The following TMPRSS11E variants were observed in gnomAD, a reference collection of about 807,000 sequenced individuals.
TMPRSS11E encodes the protein transmembrane protease serine 11E.
In TMPRSS11E, 38 loss-of-function variants were observed where a neutral mutation model predicts 48.1. That is an observed-to-expected ratio of 0.79 (90% CI 0.61 to 1.04). TMPRSS11E has a LOEUF of 1.04. Among genes scored for constraint, TMPRSS11E ranks in the 50% least tolerant of loss-of-function variants. The pLI is 0.00. For missense variants in TMPRSS11E, 530 were observed against 510.8 expected, an observed-to-expected ratio of 1.04 and a Z score of -0.36; for synonymous variants, 158 against 171.9, an observed-to-expected ratio of 0.92 and a Z score of 0.63.
intron 9 of TMPRSS11E, among the ~76,000 whole-genome samples, chr4:68,489,997 C>T (rs938305222): frequency 2.0e-5 from 3 of 152,194 alleles, no homozygotes; most frequent in Non-Finnish European, 2.9e-5. Flanking sequence ...AGGCTGTTCT[C>T]CCTGCCACCT....
intron 1 of TMPRSS11E, among the ~76,000 whole-genome samples, chr4:68,455,044 A>G (rs932892213): frequency 5.9e-5 from 9 of 152,034 alleles, no homozygotes; most frequent in East Asian, 1.9e-4. Flanking sequence ...CCTTCTATCT[A>G]TACATTTGTA....
chr4:68,459,822 A>AT (rs994845208), intron 1 of TMPRSS11E, among the ~76,000 whole-genome samples: 1 of 152,150 alleles, frequency 6.6e-6, no homozygotes, highest in African/African-American at 2.4e-5. Context: ...CTCTCCCTGT[A>AT]TTCCCCCCAA....
Position 68,461,840 on chromosome 4 carries a change from A to T in TMPRSS11E, c.31A>T (p.Arg11Trp). The change falls in exon 2 of 10, where the codon AGG (arginine) becomes TGG (tryptophan). Residue 11 changes from arginine to tryptophan, a missense_variant. Transcript: ENST00000305363. Reference protein sequence around the residue: MMYRPDVVRARKRVCWEPWVI... With the variant: MMYRPDVVRAWKRVCWEPWVI... Reference sequence around the variant, plus strand: ...CCTTAGGCCAGATGTGGTGAGGGCTAGGAAAAGAGTTTGTTGGGAACCCTG... The same window carrying T: ...CCTTAGGCCAGATGTGGTGAGGGCTTGGAAAAGAGTTTGTTGGGAACCCTG... 6.2e-7 allele frequency: 1 copy of T among 1,614,192 alleles called. No individual in the cohort carries two copies. The highest frequency in any genetic ancestry group is 8.5e-7 in the Non-Finnish European group (1 of 1,180,002).
At position 68,482,455 on chromosome 4, in the gene TMPRSS11E, C is replaced by A. The variant is rs191804608; in HGVS notation, c.1110+3464C>A. Reference sequence around the variant, plus strand: ...AAGTCTTAACTCATTCCGACTTTAACTCAAAAATTCAAAGTTGGCCAGATG... The same window carrying A: ...AAGTCTTAACTCATTCCGACTTTAAATCAAAAATTCAAAGTTGGCCAGATG... On this transcript the variant is annotated intron_variant, in intron 9 of 9. Transcript: ENST00000305363. 9.2e-5 allele frequency among the ~76,000 whole-genome samples: 14 copies of A among 152,086 alleles called. No individual in the cohort carries two copies. In the East Asian group the frequency reaches 2.7e-3, roughly 29 times the overall value.
At chr4:68,496,027 G>C (rs1729855068) in intron 9 of TMPRSS11E, among the ~76,000 whole-genome samples, 1 of 152,072 alleles carries the variant, frequency 6.6e-6, no homozygotes, top group Admixed American at 6.6e-5. Context: ...ATGAGAATTT[G>C]TGATTTTATA....
intron 9 of TMPRSS11E, among the ~76,000 whole-genome samples, chr4:68,484,183 G>C (rs1729489793): frequency 6.6e-6 from 1 of 152,114 alleles, no homozygotes; most frequent in African/African-American, 2.4e-5. Context: ...AATGACATTG[G>C]TAGTTTTATA....
rs1014830549 is a variant in TMPRSS11E, at chr4:68,474,590, C to T, written c.491-133C>T. On this transcript the variant is annotated intron_variant, in intron 5 of 9. Transcript: ENST00000305363. ...ATGATCATCCTATGTCTATGACAAGCTATGTTGCCTTCTTTATAATCTAGA... is the reference window on the plus strand; with the variant it reads ...ATGATCATCCTATGTCTATGACAAGTTATGTTGCCTTCTTTATAATCTAGA... The T allele has an allele frequency of 3.7e-6, 3 of 808,386 alleles. No homozygotes were observed. The Admixed American group carries it at 7.2e-5, about 19-fold the overall frequency. 50.1% of individuals were successfully genotyped at this position (808,386 alleles called of 1,614,324 possible).
At chr4:68,495,272 A>G (rs1017712381) in intron 9 of TMPRSS11E, among the ~76,000 whole-genome samples, 1 of 151,878 alleles carries the variant, frequency 6.6e-6, no homozygotes, top group Non-Finnish European at 1.5e-5. Context: ...ATTATTTACT[A>G]TTTGTATACT....
intron 1 of TMPRSS11E, among the ~76,000 whole-genome samples, chr4:68,455,107 G>A (rs1728593421): frequency 6.6e-6 from 1 of 151,820 alleles, no homozygotes; most frequent in African/African-American, 2.4e-5. Flanking sequence ...TCAAAGTCTG[G>A]CTTTCTCAGG....
intron 9 of TMPRSS11E, among the ~76,000 whole-genome samples, chr4:68,489,250 C>T (rs1729648616): frequency 6.6e-6 from 1 of 152,172 alleles, no homozygotes; most frequent in Non-Finnish European, 1.5e-5. Flanking sequence ...CACTCCTGGG[C>T]TGCATGCTGT....
At chr4:68,479,137 A>G (rs921999482) in intron 9 of TMPRSS11E, 146 bp downstream of exon 9, 6 of 918,994 alleles carry the variant, frequency 6.5e-6, no homozygotes, top group Middle Eastern at 2.5e-4. Context: ...ATCTCACATA[A>G]CTATAGTTCA....
chr4:68,462,782 T>C (rs1578134880), intron 2 of TMPRSS11E, among the ~76,000 whole-genome samples: 1 of 152,184 alleles, frequency 6.6e-6, no homozygotes, highest in East Asian at 1.9e-4. Flanking sequence ...TTAAAGAGGA[T>C]AGGGTATGCC....
chr4:68,484,897 G>T (rs935599393), intron 9 of TMPRSS11E, among the ~76,000 whole-genome samples: 1 of 152,180 alleles, frequency 6.6e-6, no homozygotes, highest in Non-Finnish European at 1.5e-5. Flanking sequence ...TTTGTGAAGA[G>T]AGATAGTTTG....
At chr4:68,481,728 T>A (rs772219636) in intron 9 of TMPRSS11E, among the ~76,000 whole-genome samples, 1 of 152,128 alleles carries the variant, frequency 6.6e-6, no homozygotes, top group Non-Finnish European at 1.5e-5. Flanking sequence ...GGGAGGTGGA[T>A]CACTAGAGCT....
At chr4:68,472,631 T>A (rs1186243649) in intron 5 of TMPRSS11E, among the ~76,000 whole-genome samples, 5 of 151,982 alleles carry the variant, frequency 3.3e-5, no homozygotes, top group African/African-American at 1.2e-4. Flanking sequence ...AAACTGCTAA[T>A]ATAATATCTG....
chr4:68,459,599 T>C (rs1490651310), intron 1 of TMPRSS11E, among the ~76,000 whole-genome samples: 1 of 152,208 alleles, frequency 6.6e-6, no homozygotes, highest in East Asian at 1.9e-4. Context: ...ATTAACCTTT[T>C]TAATGTTAAT....
At chr4:68,484,349 C>T (rs1729493219) in intron 9 of TMPRSS11E, among the ~76,000 whole-genome samples, 1 of 152,102 alleles carries the variant, frequency 6.6e-6, no homozygotes, top group African/African-American at 2.4e-5. Flanking sequence ...CCCTGTTGAC[C>T]AGGCTGGAGT....
intron 1 of TMPRSS11E, among the ~76,000 whole-genome samples, chr4:68,453,840 A>C (rs905415768): frequency 7.9e-5 from 12 of 151,910 alleles, no homozygotes; most frequent in Non-Finnish European, 1.5e-5. Context: ...AATAATTAGG[A>C]ATCTAGTCTC....
intron 9 of TMPRSS11E, among the ~76,000 whole-genome samples, chr4:68,483,999 A>AT (rs1560558281): frequency 8.6e-5 from 13 of 151,756 alleles, no homozygotes; most frequent in African/African-American, 2.9e-4. Flanking sequence ...CTATGTGTCT[A>AT]CTTTTTTTGT....
Sources: gnomAD v4.1 joint callset for allele counts (sites outside exome capture counted in the v4.1 genomes callset) on GRCh38, gnomAD v4.1.1 for gene constraint, MANE v1.5 for transcripts, NCBI Gene and HGNC (gene_info 2026-07-23, HGNC 2026-07-21) for gene names.